The following SH3GL3 variants were observed in gnomAD, a reference collection of about 807,000 sequenced individuals.
SH3GL3 encodes endophilin-A3.
Under a neutral mutation model 47.7 loss-of-function variants are expected in SH3GL3, and 33 were observed. The ratio of observed to expected loss-of-function variants is 0.69; its 90% confidence interval spans 0.52 to 0.92. SH3GL3 has a LOEUF of 0.92. Among genes scored for constraint, SH3GL3 ranks in the 40% least tolerant of loss-of-function variants. SH3GL3 has a pLI of 0.00. For synonymous variants in SH3GL3, 155 were observed against 148.8 expected (o/e 1.04, Z -0.30); for missense variants, 363 against 417.8 (o/e 0.87, Z 1.14).
intron 1 of SH3GL3, among the ~76,000 whole-genome samples, chr15:83,486,800 C>G (rs2041616184): frequency 1.3e-5 from 2 of 152,098 alleles, no homozygotes; most frequent in Admixed American, 1.3e-4. Flanking sequence ...CTGGGAAGTC[C>G]AAGATCAAGG....
At chr15:83,485,824 G>A (rs1041878112) in intron 1 of SH3GL3, among the ~76,000 whole-genome samples, 3 of 152,188 alleles carry the variant, frequency 2.0e-5, no homozygotes, top group African/African-American at 4.8e-5. Context: ...TGCCTACCAT[G>A]TGGATTTGTT....
intron 1 of SH3GL3, among the ~76,000 whole-genome samples, chr15:83,502,693 G>A (rs1191033981): frequency 6.6e-6 from 1 of 152,116 alleles, no homozygotes. Context: ...TGAGTAGCTA[G>A]GAGTACAGGC....
At chr15:83,560,690 G>A (rs1021597588) in intron 2 of SH3GL3, among the ~76,000 whole-genome samples, 2 of 152,088 alleles carry the variant, frequency 1.3e-5, no homozygotes, top group African/African-American at 4.8e-5. Context: ...GAAAAGCATG[G>A]AAACATATAA....
chr15:83,505,554 G>C (rs552407711), intron 1 of SH3GL3, among the ~76,000 whole-genome samples: 2 of 129,470 alleles, frequency 1.5e-5, no homozygotes, highest in African/African-American at 5.9e-5. Context: ...GAGAGATGGA[G>C]TCTCACTCTC....
intron 3 of SH3GL3, among the ~76,000 whole-genome samples, chr15:83,566,727 G>A (rs991471487): frequency 1.3e-5 from 2 of 152,134 alleles, no homozygotes; most frequent in Non-Finnish European, 2.9e-5. Context: ...AGTGAGCCAT[G>A]ATCATACCAC....
intron 1 of SH3GL3, among the ~76,000 whole-genome samples, chr15:83,538,585 A>G (rs1031850712): frequency 6.6e-6 from 1 of 152,198 alleles, no homozygotes; most frequent in Non-Finnish European, 1.5e-5. Flanking sequence ...GTATGAATGG[A>G]ATAATGCAGT....
intron 1 of SH3GL3, among the ~76,000 whole-genome samples, chr15:83,469,662 C>T (rs2040740424): frequency 6.6e-6 from 1 of 152,052 alleles, no homozygotes; most frequent in African/African-American, 2.4e-5. Flanking sequence ...ATTTCATTGT[C>T]ATTATAGAAC....
At chr15:83,570,980 T>A (rs2045785113) in intron 4 of SH3GL3, among the ~76,000 whole-genome samples, 2 of 152,172 alleles carry the variant, frequency 1.3e-5, no homozygotes, top group Non-Finnish European at 1.5e-5. Context: ...GCTTCCCAGG[T>A]GCTCGGCAAC....
intron 1 of SH3GL3, among the ~76,000 whole-genome samples, chr15:83,550,957 G>A (rs140678925): frequency 6.6e-6 from 1 of 152,172 alleles, no homozygotes; most frequent in East Asian, 1.9e-4. Context: ...CGGCTTTCTT[G>A]CTGTTTAATT....
rs1420988424 is a variant in SH3GL3, at chr15:83,566,363, A to AGTGTGTGTGTGT, written c.187+1158_187+1159insTGTGTGTGTGTG. Among the ~76,000 whole-genome samples, 39 of 128,312 alleles carry AGTGTGTGTGTGT rather than the reference A, an allele frequency of 3.0e-4. No individual in the cohort carries two copies. The South Asian group carries it at 5.8e-3, about 19-fold the overall frequency. 84.2% of individuals were successfully genotyped at this position (128,312 alleles called of 152,430 possible). A position where few individuals can be genotyped will look rare whatever the true frequency, so the allele number is the denominator to read the frequency against. ...AAGATGGGCAGAGAGAGAGAGAGAG[A>AGTGTGTGTGTGT]GAGTGTGTGTGTGTGTGTGTGTGTG... On this transcript the variant is annotated intron_variant, in intron 3 of 8. Coordinates refer to ENST00000427482, the MANE Select transcript of SH3GL3 (RefSeq NM_003027.5).
At chr15:83,558,677 C>G (rs946390254) in intron 1 of SH3GL3, among the ~76,000 whole-genome samples, 23 of 152,168 alleles carry the variant, frequency 1.5e-4, no homozygotes, top group African/African-American at 5.3e-4. Context: ...GCCCCTGGCT[C>G]TTTTTTCCAT....
At chr15:83,591,238 C>A (rs930037851) in intron 8 of SH3GL3, among the ~76,000 whole-genome samples, 2 of 152,094 alleles carry the variant, frequency 1.3e-5, no homozygotes, top group African/African-American at 4.8e-5. Flanking sequence ...GAACTCCTGA[C>A]CTCAAATGAT....
In SH3GL3 at chr15:83,497,150, G is replaced by A. The variant is rs569949851; in HGVS notation, c.45+49572G>A. On this transcript the variant is annotated intron_variant, in intron 1 of 8. Coordinates refer to ENST00000427482, the MANE Select transcript of SH3GL3 (RefSeq NM_003027.5). Reference sequence around the variant, plus strand: ...ATTTATGGCTTCAGCTTCAAGATAAGTCACTAATCCTTTATTATGTTCTTG... The same window carrying A: ...ATTTATGGCTTCAGCTTCAAGATAAATCACTAATCCTTTATTATGTTCTTG... 3.3e-5 allele frequency among the ~76,000 whole-genome samples: 5 copies of A among 152,272 alleles called. No individual in the cohort carries two copies. In the South Asian group the frequency reaches 6.2e-4, roughly 19 times the overall value.
chr15:83,520,351 C>G (rs2043154900), intron 1 of SH3GL3, among the ~76,000 whole-genome samples: 2 of 152,226 alleles, frequency 1.3e-5, no homozygotes, highest in Non-Finnish European at 2.9e-5. Flanking sequence ...AGCAGAGTGT[C>G]TGCCTTCAAG....
chr15:83,510,371 A>C (rs955216044), intron 1 of SH3GL3, among the ~76,000 whole-genome samples: 9 of 152,190 alleles, frequency 5.9e-5, no homozygotes, highest in Non-Finnish European at 1.3e-4. Flanking sequence ...GGCCCACTAT[A>C]TTACATATTT....
chr15:83,477,033 C>T (rs1022157639), intron 1 of SH3GL3, among the ~76,000 whole-genome samples: 1 of 152,196 alleles, frequency 6.6e-6, no homozygotes, highest in African/African-American at 2.4e-5. Flanking sequence ...TCAGGAGCTA[C>T]AAGTACCAAA....
intron 1 of SH3GL3, among the ~76,000 whole-genome samples, chr15:83,536,857 T>A (rs1370582690): frequency 6.6e-6 from 1 of 152,224 alleles, no homozygotes; most frequent in African/African-American, 2.4e-5. Context: ...TTTAAAAAGT[T>A]CCCCTCTATA....
At chr15:83,516,223 G>A (rs2042975043) in intron 1 of SH3GL3, among the ~76,000 whole-genome samples, 1 of 151,952 alleles carries the variant, frequency 6.6e-6, no homozygotes, top group Admixed American at 6.6e-5. Context: ...ACTGACTGTT[G>A]GATTTTTATA....
rs2044378549 is a variant in SH3GL3, at chr15:83,546,075, G to A, written c.46-13178G>A. On this transcript the variant is annotated intron_variant, in intron 1 of 8. Coordinates refer to ENST00000427482, the MANE Select transcript of SH3GL3 (RefSeq NM_003027.5). Reference sequence around the variant, plus strand: ...TCAAGGGCCAAGGACTCTTTAGTCAGCAGAAGTTGATTCCTGCCAGAAATG... The same window carrying A: ...TCAAGGGCCAAGGACTCTTTAGTCAACAGAAGTTGATTCCTGCCAGAAATG... Among the ~76,000 whole-genome samples, 5 of 152,090 alleles carry A rather than the reference G, an allele frequency of 3.3e-5. No individual in the cohort carries two copies. The South Asian group carries it at 8.3e-4, about 25-fold the overall frequency.
Sources: allele counts gnomAD v4.1 joint callset (sites outside exome capture counted in the v4.1 genomes callset), GRCh38; gene constraint gnomAD v4.1.1; transcripts MANE v1.5; gene names NCBI Gene and HGNC (gene_info 2026-07-23, HGNC 2026-07-21).